The following LRP1B variants were observed in gnomAD, a reference collection of about 807,000 sequenced individuals.
LRP1B encodes LDL receptor related protein 1B, also known as low-density lipoprotein receptor-related protein 1B.
In LRP1B, 217 loss-of-function variants were observed where a neutral mutation model predicts 556.6. That is an observed-to-expected ratio of 0.39 (90% CI 0.35 to 0.44). The LOEUF is 0.44. Among genes scored for constraint, LRP1B ranks in the 20% least tolerant of loss-of-function variants. The probability of loss-of-function intolerance (pLI) is 1.00; values close to 1 mark genes in which losing one functional copy is unlikely to be tolerated. For synonymous variants in LRP1B, 2,047 were observed against 1,865.8 expected (o/e 1.10, Z -2.50); for missense variants, 5,053 against 5,620.8 (o/e 0.90, Z 3.23).
intron 77 of LRP1B, among the ~76,000 whole-genome samples, chr2:140,344,316 T>C (rs752387114): frequency 6.6e-6 from 1 of 151,730 alleles, no homozygotes; most frequent in Non-Finnish European, 1.5e-5. Context: ...AAAAGAAAGA[T>C]GCCTGGCTCA....
At chr2:141,846,442 C>T (rs10496902) in intron 1 of LRP1B, among the ~76,000 whole-genome samples, 13,788 of 150,994 alleles carry the variant, frequency 0.091, 651 homozygotes, top group South Asian at 0.18. Context: ...TATGTTTTAC[C>T]GACATTTTTG....
intron 3 of LRP1B, among the ~76,000 whole-genome samples, chr2:141,374,462 T>A (rs1689352736): frequency 6.6e-6 from 1 of 152,210 alleles, no homozygotes. Flanking sequence ...TTCCCTTAAA[T>A]AGCTTTTCTA....
At chr2:141,315,046 T>C (rs1407865150) in intron 3 of LRP1B, among the ~76,000 whole-genome samples, 1 of 150,350 alleles carries the variant, frequency 6.7e-6, no homozygotes, top group Admixed American at 6.6e-5. Context: ...CTCCTTACAG[T>C]ATCTAACCAA....
At chr2:141,547,933 G>C (rs1685612752) in intron 2 of LRP1B, among the ~76,000 whole-genome samples, 1 of 151,882 alleles carries the variant, frequency 6.6e-6, no homozygotes, top group South Asian at 2.1e-4. Flanking sequence ...GGAACTGTGA[G>C]CACAAAGAGG....
At chr2:141,041,221 T>C (rs1240291636) in intron 11 of LRP1B, among the ~76,000 whole-genome samples, 1 of 152,100 alleles carries the variant, frequency 6.6e-6, no homozygotes, top group African/African-American at 2.4e-5. Context: ...TATATCAGTA[T>C]AGCAAGGGGG....
At chr2:140,884,730 A>C (rs1693582784) in intron 24 of LRP1B, among the ~76,000 whole-genome samples, 1 of 152,098 alleles carries the variant, frequency 6.6e-6, no homozygotes, top group African/African-American at 2.4e-5. Context: ...CTACTTTTTG[A>C]GACAGGGTCT....
chr2:141,131,187 AAC>A (rs557059772), intron 7 of LRP1B, among the ~76,000 whole-genome samples: 5,175 of 152,054 alleles, frequency 0.034, 33 homozygotes, highest in East Asian at 0.15. Context: ...ACAGTGGTGT[AAC>A]CTATTTTTCC....
intron 3 of LRP1B, among the ~76,000 whole-genome samples, chr2:141,270,175 T>C (rs1300936291): frequency 6.6e-6 from 1 of 152,036 alleles, no homozygotes; most frequent in Non-Finnish European, 1.5e-5. Context: ...TAATCATATG[T>C]AAAAATAGTA....
chr2:141,333,082 A>G (rs1687716941), intron 3 of LRP1B, among the ~76,000 whole-genome samples: 1 of 152,054 alleles, frequency 6.6e-6, no homozygotes, highest in South Asian at 2.1e-4. Flanking sequence ...TTTCTATTTC[A>G]GGTTTGTAAT....
chr2:141,260,023 C>T (rs1037459668), intron 3 of LRP1B, among the ~76,000 whole-genome samples: 5 of 152,030 alleles, frequency 3.3e-5, no homozygotes, highest in Admixed American at 6.6e-5. Context: ...ACATTAGAAG[C>T]GTTTTCTCTT....
At chr2:140,896,462 A>G (rs1693957427) in intron 23 of LRP1B, among the ~76,000 whole-genome samples, 1 of 152,168 alleles carries the variant, frequency 6.6e-6, no homozygotes, top group African/African-American at 2.4e-5. Context: ...AACTCAAGAG[A>G]AAAAAGGAAT....
chr2:140,564,132 T>C (rs1178243105), intron 43 of LRP1B, among the ~76,000 whole-genome samples: 2 of 152,254 alleles, frequency 1.3e-5, no homozygotes, highest in Middle Eastern at 3.4e-3. Flanking sequence ...GTGATTGAAA[T>C]TGGGTAATGG....
At chr2:140,401,708 A>T (rs1027968059) in intron 66 of LRP1B, among the ~76,000 whole-genome samples, 2 of 152,204 alleles carry the variant, frequency 1.3e-5, no homozygotes. Flanking sequence ...CTACTACTGC[A>T]TCAGGTGCTC....
At position 140,868,265 on chromosome 2, in the gene LRP1B, T is replaced by TC; in HGVS notation, c.4170-3_4170-2insG. ...TCCCAGTCTGTCCAGAAAAGAATTC[T>TC]AAAAAAAAAAAAAAAAAAAGAAATA... On this transcript the variant is annotated splice_polypyrimidine_tract_variant and splice_region_variant and intron_variant, in intron 25 of 90. Transcript: ENST00000389484. 1 of 1,296,102 alleles carries TC rather than the reference T, an allele frequency of 7.7e-7. No individual in the cohort carries two copies. The highest frequency in any genetic ancestry group is 1.0e-6 in the Non-Finnish European group (1 of 991,636). The allele number at this position is 1,296,102 out of a possible 1,614,324, so 80.3% of individuals were successfully genotyped here.
intron 2 of LRP1B, among the ~76,000 whole-genome samples, chr2:141,507,268 T>C (rs924215011): frequency 3.3e-5 from 5 of 152,164 alleles, no homozygotes; most frequent in Non-Finnish European, 7.4e-5. Context: ...GGGAAAGATA[T>C]ACAAAAATGA....
intron 35 of LRP1B, among the ~76,000 whole-genome samples, chr2:140,728,280 C>T (rs1358977894): frequency 6.6e-6 from 1 of 152,086 alleles, no homozygotes; most frequent in African/African-American, 2.4e-5. Context: ...TGCTGTTTTG[C>T]ACATACAATA....
intron 82 of LRP1B, among the ~76,000 whole-genome samples, chr2:140,321,572 A>G (rs1225866940): frequency 6.6e-6 from 1 of 152,070 alleles, no homozygotes; most frequent in Non-Finnish European, 1.5e-5. Flanking sequence ...AGTGTTTGGC[A>G]CACAAGAGGT....
chr2:141,251,409 T>A (rs187934150), intron 4 of LRP1B, among the ~76,000 whole-genome samples: 63 of 152,204 alleles, frequency 4.1e-4, no homozygotes, highest in African/African-American at 1.3e-3. Flanking sequence ...AGTTTGTGGA[T>A]AATAAAGGAG....
intron 2 of LRP1B, among the ~76,000 whole-genome samples, chr2:141,729,858 T>C (rs995766969): frequency 6.6e-6 from 1 of 152,164 alleles, no homozygotes; most frequent in African/African-American, 2.4e-5. Context: ...AAATAATCCT[T>C]AGAAATTCTT....
Sources: gnomAD v4.1 joint callset for allele counts (sites outside exome capture counted in the v4.1 genomes callset) on GRCh38, gnomAD v4.1.1 for gene constraint, MANE v1.5 for transcripts, NCBI Gene and HGNC (gene_info 2026-07-23, HGNC 2026-07-21) for gene names.